NRXN3: variants seen among roughly 807,000 people sequenced by gnomAD.
NRXN3 encodes the protein neurexin 3, also known as neurexin III.
Under a neutral mutation model 137.6 loss-of-function variants are expected in NRXN3, and 32 were observed. That is an observed-to-expected ratio of 0.23 (90% CI 0.18 to 0.31). NRXN3 has a LOEUF of 0.31. Ranked by LOEUF, NRXN3 falls within the 10% of genes least tolerant of loss-of-function variation. The pLI, the probability that NRXN3 is intolerant of heterozygous loss-of-function variation, is 1.00. For missense variants in NRXN3, 1,574 were observed against 2,062.5 expected (o/e 0.76, Z 4.59); for synonymous variants, 798 against 784.5 (o/e 1.02, Z -0.29).
intron 15 of NRXN3, among the ~76,000 whole-genome samples, chr14:79,384,341 A>T (rs1272607429): frequency 1.3e-5 from 2 of 152,170 alleles, no homozygotes; most frequent in Non-Finnish European, 2.9e-5. Context: ...AATGTCTAGG[A>T]TATAATGGAA....
chr14:79,174,451 C>CT (rs1166584770), intron 15 of NRXN3, among the ~76,000 whole-genome samples: 13 of 148,826 alleles, frequency 8.7e-5, no homozygotes, highest in East Asian at 2.0e-4. Flanking sequence ...ATTGTTACAG[C>CT]TTTTTTTTAA....
intron 16 of NRXN3, among the ~76,000 whole-genome samples, chr14:79,552,868 C>T (rs2097388687): frequency 6.6e-6 from 1 of 152,060 alleles, no homozygotes; most frequent in Non-Finnish European, 1.5e-5. Context: ...AAAACTCTGT[C>T]TGGGTGTGTT....
intron 16 of NRXN3, among the ~76,000 whole-genome samples, chr14:79,630,256 A>G (rs2098330943): frequency 6.6e-6 from 1 of 152,184 alleles, no homozygotes; most frequent in African/African-American, 2.4e-5. Context: ...AAGAAGAAAA[A>G]CATTCTTGCA....
At chr14:79,147,874 A>T (rs1298469195) in intron 15 of NRXN3, among the ~76,000 whole-genome samples, 1 of 152,090 alleles carries the variant, frequency 6.6e-6, no homozygotes, top group Non-Finnish European at 1.5e-5. Flanking sequence ...CTCTCTATGC[A>T]GTTTTTTCTC....
At chr14:79,844,115 G>T (rs1260798452) in intron 20 of NRXN3, among the ~76,000 whole-genome samples, 1 of 151,880 alleles carries the variant, frequency 6.6e-6, no homozygotes, top group Non-Finnish European at 1.5e-5. Context: ...TTCCATGGTG[G>T]ATATATATAC....
chr14:78,396,168 T>TAC (rs57448398), intron 4 of NRXN3, among the ~76,000 whole-genome samples: 33,132 of 151,818 alleles, frequency 0.22, 4,032 homozygotes, highest in Middle Eastern at 0.37. Flanking sequence ...CTCTAGGTAT[T>TAC]ACACACACAT....
chr14:78,446,031 T>G (rs1243183713), intron 4 of NRXN3, among the ~76,000 whole-genome samples: 1 of 152,130 alleles, frequency 6.6e-6, no homozygotes, highest in Non-Finnish European at 1.5e-5. Flanking sequence ...ATAGACCCCA[T>G]GCCCATTGCT....
intron 19 of NRXN3, among the ~76,000 whole-genome samples, chr14:79,755,205 A>T (rs1240835397): frequency 6.6e-6 from 1 of 152,156 alleles, no homozygotes; most frequent in African/African-American, 2.4e-5. Context: ...ACGTACTTTA[A>T]ATCATCTCTA....
chr14:78,207,472 C>T (rs894577779), intron 1 of NRXN3, among the ~76,000 whole-genome samples: 19 of 152,208 alleles, frequency 1.2e-4, no homozygotes, highest in Admixed American at 1.1e-3. Flanking sequence ...TCTCCACCCA[C>T]AGGCACATCA....
intron 4 of NRXN3, among the ~76,000 whole-genome samples, chr14:78,612,434 T>A (rs908236688): frequency 6.6e-6 from 1 of 152,218 alleles, no homozygotes; most frequent in African/African-American, 2.4e-5. Flanking sequence ...TATAGTGGTT[T>A]TCAATCATAT....
At chr14:79,200,828 ATTTTTTTTT>A (rs56194422) in intron 15 of NRXN3, among the ~76,000 whole-genome samples, 7 of 59,082 alleles carry the variant, frequency 1.2e-4, no homozygotes, top group South Asian at 1.1e-3. Flanking sequence ...TGTGAGCTGT[ATTTTTTTTT>A]TTTTTTTTTT....
intron 16 of NRXN3, among the ~76,000 whole-genome samples, chr14:79,538,872 T>C (rs1567433133): frequency 6.6e-6 from 1 of 152,242 alleles, no homozygotes; most frequent in Non-Finnish European, 1.5e-5. Flanking sequence ...TCAATGCTTA[T>C]ATGCTTCTCA....
intron 2 of NRXN3, among the ~76,000 whole-genome samples, chr14:78,272,753 G>A (rs77873938): frequency 1.3e-4 from 20 of 152,292 alleles, no homozygotes; most frequent in Non-Finnish European, 2.8e-4. Context: ...GTGCTGCTGA[G>A]TCTGAGAGGT....
chr14:79,173,530 C>CAAAAAAAAAAAAAAAAA (rs57188919), intron 15 of NRXN3, among the ~76,000 whole-genome samples: 2 of 91,028 alleles, frequency 2.2e-5, no homozygotes, highest in Non-Finnish European at 4.2e-5. Flanking sequence ...GACCTTGTCT[C>CAAAAAAAAAAAAAAAAA]AAAAAAAAAA....
chr14:78,991,875 G>A (rs1386395139), intron 15 of NRXN3, among the ~76,000 whole-genome samples: 1 of 152,174 alleles, frequency 6.6e-6, no homozygotes, highest in Non-Finnish European at 1.5e-5. Flanking sequence ...CTCATTTAGT[G>A]TGAGTTGGCC....
At chr14:78,236,038 T>C (rs1242541153) in intron 1 of NRXN3, among the ~76,000 whole-genome samples, 1 of 152,208 alleles carries the variant, frequency 6.6e-6, no homozygotes, top group Non-Finnish European at 1.5e-5. Context: ...AGTAATAATT[T>C]TCTTTAAAAC....
chr14:79,098,340 CTATT>C (rs1318255557), intron 15 of NRXN3, among the ~76,000 whole-genome samples: 1 of 152,108 alleles, frequency 6.6e-6, no homozygotes, highest in Non-Finnish European at 1.5e-5. Context: ...TTTAAAAAAC[CTATT>C]TACTTAGCAG....
intron 15 of NRXN3, among the ~76,000 whole-genome samples, chr14:79,075,800 G>A (rs2045870218): frequency 6.6e-6 from 1 of 152,180 alleles, no homozygotes; most frequent in Non-Finnish European, 1.5e-5. Flanking sequence ...GGCCCTCAAT[G>A]TGTGTGGCAG....
chr14:79,708,525 T>C (rs1343585014), intron 19 of NRXN3, among the ~76,000 whole-genome samples: 1 of 151,572 alleles, frequency 6.6e-6, no homozygotes, highest in East Asian at 1.9e-4. Flanking sequence ...AAATATATGA[T>C]GTTCTATTTA....
Sources: allele counts gnomAD v4.1 joint callset (sites outside exome capture counted in the v4.1 genomes callset), GRCh38; gene constraint gnomAD v4.1.1; transcripts MANE v1.5; gene names NCBI Gene and HGNC (gene_info 2026-07-23, HGNC 2026-07-21).